Variants in COL5A2 observed in about 807,000 individuals in gnomAD.
COL5A2 encodes the protein collagen alpha-2(V) chain.
A neutral mutation model predicts 208.2 loss-of-function variants in COL5A2; 23 were observed. The ratio of observed to expected loss-of-function variants is 0.11; its 90% confidence interval spans 0.08 to 0.16. The LOEUF (loss-of-function observed/expected upper bound fraction) is 0.16. COL5A2 is among the 10% of genes least tolerant of loss of function. The probability of loss-of-function intolerance (pLI) is 1.00; values close to 1 mark genes in which losing one functional copy is unlikely to be tolerated. For synonymous variants in COL5A2, 625 were observed against 628.5 expected (o/e 0.99, Z 0.08); for missense variants, 1,590 against 1,956.4 (o/e 0.81, Z 3.53).
At chr2:189,335,995 C>T in the COL5A2 span, among the ~76,000 whole-genome samples, 1 of 152,024 alleles carries the variant, frequency 6.6e-6, no homozygotes, top group East Asian at 1.9e-4. Flanking sequence ...ATGTTAAGAA[C>T]ATTTATCTGA....
the COL5A2 span, among the ~76,000 whole-genome samples, chr2:189,363,376 TA>T: frequency 2.0e-5 from 3 of 152,154 alleles, no homozygotes. Flanking sequence ...AAATGTCTTC[TA>T]AACTTTATCA....
intron 1 of COL5A2, among the ~76,000 whole-genome samples, chr2:189,145,554 C>A (rs113196559): frequency 6.6e-6 from 1 of 152,032 alleles, no homozygotes; most frequent in South Asian, 2.1e-4. Context: ...ACCTGACCTG[C>A]AATTTTCTTG....
At chr2:189,389,550 CA>C in the COL5A2 span, among the ~76,000 whole-genome samples, 11 of 152,102 alleles carry the variant, frequency 7.2e-5, no homozygotes, top group Admixed American at 2.6e-4. Flanking sequence ...TCCATGCTGT[CA>C]GTGCAATCTT....
chr2:189,246,959 T>C, the COL5A2 span, among the ~76,000 whole-genome samples: 4 of 152,150 alleles, frequency 2.6e-5, no homozygotes, highest in African/African-American at 4.8e-5. Context: ...CTACCCAAAG[T>C]TAATGAATTT....
the COL5A2 span, among the ~76,000 whole-genome samples, chr2:189,354,397 C>T: frequency 1.3e-5 from 2 of 152,186 alleles, no homozygotes; most frequent in Admixed American, 1.3e-4. Flanking sequence ...TCAGCTGTGA[C>T]TCCATCAGGT....
At chr2:189,126,995 A>G (rs1559116080) in intron 1 of COL5A2, among the ~76,000 whole-genome samples, 2 of 152,102 alleles carry the variant, frequency 1.3e-5, no homozygotes, top group Non-Finnish European at 2.9e-5. Context: ...AAGGAACTAA[A>G]GTGCAAAACG....
At chr2:189,060,683 G>A in intron 31 of COL5A2, 47 bp downstream of exon 31, 1 of 1,476,274 alleles carries the variant, frequency 6.8e-7, no homozygotes. Context: ...AGTGATAATT[G>A]AGCCAGCAAT....
chr2:189,333,756 A>T, the COL5A2 span, among the ~76,000 whole-genome samples: 1 of 152,132 alleles, frequency 6.6e-6, no homozygotes, highest in Non-Finnish European at 1.5e-5. Flanking sequence ...TCTATCAGTC[A>T]AGAAGAGAAG....
intron 31 of COL5A2, among the ~76,000 whole-genome samples, chr2:189,060,520 T>C (rs554692798): frequency 1.6e-4 from 24 of 152,320 alleles, no homozygotes; most frequent in African/African-American, 5.8e-4. Context: ...CTATTAACTG[T>C]GTGACTTTGG....
the COL5A2 span, among the ~76,000 whole-genome samples, chr2:189,437,034 A>C: frequency 2.6e-5 from 4 of 151,482 alleles, no homozygotes; most frequent in Non-Finnish European, 5.9e-5. Context: ...AAAAAAAAAG[A>C]GAGAGAGAAA....
chr2:189,068,901 G>T lies in COL5A2; in HGVS notation c.1159-17C>A, dbSNP rs1318670003. The T allele has an allele frequency of 1.3e-6, 2 of 1,545,100 alleles. No homozygotes were observed. Among genetic ancestry groups the T allele is most frequent in the Admixed American group, 1.7e-5 (1 of 59,818 alleles). On this transcript the variant is annotated splice_polypyrimidine_tract_variant and intron_variant, in intron 18 of 53. Transcript: ENST00000374866. ...TGCTTCTCCCTAAAAGGGTGCAAAG[G>T]GAAATGTTAATTTAAGAAAAATACG...
At chr2:189,238,510 T>A in the COL5A2 span, among the ~76,000 whole-genome samples, 20 of 152,204 alleles carry the variant, frequency 1.3e-4, no homozygotes, top group East Asian at 2.1e-3. Context: ...TACTGCTATA[T>A]AAAGAACTGC....
At chr2:189,144,257 GT>G (rs1407794216) in intron 1 of COL5A2, among the ~76,000 whole-genome samples, 1 of 152,136 alleles carries the variant, frequency 6.6e-6, no homozygotes, top group Non-Finnish European at 1.5e-5. Context: ...AAAAGGTACA[GT>G]TTGACACACA....
intron 1 of COL5A2, among the ~76,000 whole-genome samples, chr2:189,209,681 A>G (rs1196012576): frequency 6.6e-6 from 1 of 152,240 alleles, no homozygotes; most frequent in Non-Finnish European, 1.5e-5. Flanking sequence ...TGCTAATTCA[A>G]CAGAAAGGAT....
the COL5A2 span, among the ~76,000 whole-genome samples, chr2:189,301,104 T>G: frequency 2.6e-5 from 4 of 152,002 alleles, no homozygotes; most frequent in African/African-American, 9.7e-5. Context: ...GGGGATTGCT[T>G]TGAACCCAGG....
chr2:189,247,872 A>C, the COL5A2 span, among the ~76,000 whole-genome samples: 1 of 152,180 alleles, frequency 6.6e-6, no homozygotes, highest in Non-Finnish European at 1.5e-5. Flanking sequence ...GGGCCACTGC[A>C]CTCAGCCTAA....
chr2:189,159,867 G>A (rs555076408), intron 1 of COL5A2, among the ~76,000 whole-genome samples: 15 of 151,698 alleles, frequency 9.9e-5, no homozygotes, highest in Admixed American at 7.2e-4. Flanking sequence ...GTGGCAGAGC[G>A]GGACCCTGTC....
chr2:189,394,538 A>G, the COL5A2 span, among the ~76,000 whole-genome samples: 3 of 152,210 alleles, frequency 2.0e-5, no homozygotes, highest in Non-Finnish European at 2.9e-5. Context: ...ACCAAGAATA[A>G]TACTTTCAAC....
rs1685374407 is a variant in COL5A2 at position 189,033,307 on chromosome 2, A to C, written c.*763T>G. ...GGTATATACTAGTGTGACTTCTATC[A>C]ATATTGATAGATTGATCAAGAGGAG... is the stretch of plus-strand genomic sequence containing the variant. On this transcript the variant is annotated 3_prime_UTR_variant, in exon 54 of 54. Transcript: ENST00000374866. 2 of 152,710 alleles carry C rather than the reference A, an allele frequency of 1.3e-5. No homozygotes were observed. Among genetic ancestry groups the C allele is most frequent in the Admixed American group, 1.3e-4 (2 of 15,272 alleles). 9.5% of individuals were successfully genotyped at this position (152,710 alleles called of 1,614,324 possible).
Sources: allele counts gnomAD v4.1 joint callset (sites outside exome capture counted in the v4.1 genomes callset), GRCh38; gene constraint gnomAD v4.1.1; transcripts MANE v1.5; gene names NCBI Gene and HGNC (gene_info 2026-07-23, HGNC 2026-07-21).